TAFA1: variants seen among roughly 807,000 people sequenced by gnomAD.
TAFA1 encodes the protein TAFA chemokine like family member 1.
In TAFA1, 4 loss-of-function variants were observed where a neutral mutation model predicts 18.5. The observed-to-expected ratio is 0.22, with a 90% CI of 0.11 to 0.49. The LOEUF is 0.49. Among genes scored for constraint, TAFA1 ranks in the 20% least tolerant of loss-of-function variants. The pLI, the probability that TAFA1 is intolerant of heterozygous loss-of-function variation, is 0.98. For synonymous variants in TAFA1, 56 were observed against 55.2 expected (o/e 1.01, Z -0.06); for missense variants, 147 against 169.0 (o/e 0.87, Z 0.72).
chr3:68,461,552 G>A (rs922065703), intron 3 of TAFA1, among the ~76,000 whole-genome samples: 147 of 151,440 alleles, frequency 9.7e-4, no homozygotes, highest in African/African-American at 3.4e-3. Context: ...CTTTCAATTA[G>A]TATACCACCC....
At chr3:68,492,559 C>A (rs554379051) in intron 3 of TAFA1, among the ~76,000 whole-genome samples, 1 of 152,186 alleles carries the variant, frequency 6.6e-6, no homozygotes, top group South Asian at 2.1e-4. Context: ...TGCCCAACTT[C>A]TCTGTTGTTT....
chr3:68,359,611 G>A (rs1005128284), intron 2 of TAFA1, among the ~76,000 whole-genome samples: 5 of 151,894 alleles, frequency 3.3e-5, no homozygotes, highest in African/African-American at 4.8e-5. Context: ...TTCTCCACTA[G>A]AGCTTCCAGG....
chr3:68,111,596 G>T (rs12486933), intron 2 of TAFA1, among the ~76,000 whole-genome samples: 78,244 of 151,826 alleles, frequency 0.52, 20,540 homozygotes, highest in South Asian at 0.63. Flanking sequence ...GTGCAAAAGT[G>T]TTCTAAGTTT....
intron 2 of TAFA1, among the ~76,000 whole-genome samples, chr3:68,398,175 A>G (rs2070420561): frequency 1.3e-5 from 2 of 152,210 alleles, no homozygotes; most frequent in African/African-American, 4.8e-5. Context: ...AAACTATGCT[A>G]CAAGGCTAAA....
chr3:68,030,601 T>C (rs1249553691), intron 2 of TAFA1, among the ~76,000 whole-genome samples: 1 of 152,212 alleles, frequency 6.6e-6, no homozygotes, highest in Non-Finnish European at 1.5e-5. Context: ...AACTCATCTA[T>C]TTTTATGGCT....
At chr3:68,393,510 T>C (rs964822595) in intron 2 of TAFA1, among the ~76,000 whole-genome samples, 8 of 152,166 alleles carry the variant, frequency 5.3e-5, no homozygotes, top group Non-Finnish European at 8.8e-5. Context: ...TAAGTTATTT[T>C]ATGAGGCAAG....
intron 2 of TAFA1, among the ~76,000 whole-genome samples, chr3:68,334,526 A>C (rs2068937701): frequency 6.6e-6 from 1 of 152,176 alleles, no homozygotes; most frequent in Admixed American, 6.5e-5. Context: ...AGTGTGTCTC[A>C]ATCTTAATAC....
rs545996333 is a variant in TAFA1 at position 68,329,442 on chromosome 3, G to T, written c.119-87838G>T. 4.0e-4 allele frequency among the ~76,000 whole-genome samples: 61 copies of T among 151,998 alleles called. 2 individuals are homozygous for T. The South Asian group carries it at 0.012, about 31-fold the overall frequency. ...AAAGACTGCCCCTCAAGGATAATCT[G>T]TGCCAGCATATCTATTCAGTTCCAG... On this transcript the variant is annotated intron_variant, in intron 2 of 4. Coordinates refer to ENST00000478136, the MANE Select transcript of TAFA1 (RefSeq NM_213609.4).
intron 1 of TAFA1, among the ~76,000 whole-genome samples, chr3:68,005,450 CTAAAATCCACAAAT>C (rs1314368057): frequency 6.6e-6 from 1 of 152,200 alleles, no homozygotes; most frequent in Admixed American, 6.5e-5. Flanking sequence ...CATCTCTCTG[CTAAAATCCACAAAT>C]TAGCGTGCAT....
In TAFA1 at chr3:68,521,856, G is replaced by GTTTTTTTTTTT. The variant is rs57372768; in HGVS notation, c.260-16890_260-16880dup. The stretch of plus-strand genomic sequence containing the variant: ...TCTGGGTTTTTCTGTGTTTTTTTCT[G>GTTTTTTTTTTT]TTTTTTTTTTTTTTTTTTTTGGAGA... On this transcript the variant is annotated intron_variant, in intron 3 of 4. Coordinates refer to ENST00000478136, the MANE Select transcript of TAFA1 (RefSeq NM_213609.4). Among the ~76,000 whole-genome samples, 98 of 70,852 alleles carry GTTTTTTTTTTT rather than the reference G, an allele frequency of 1.4e-3. 13 individuals are homozygous for GTTTTTTTTTTT. The highest frequency in any genetic ancestry group is 3.0e-3 in the South Asian group (4 of 1,328). The allele number at this position is 70,852 out of a possible 152,430, so 46.5% of individuals were successfully genotyped here. A position where few individuals can be genotyped will look rare whatever the true frequency, so the allele number is the denominator to read the frequency against.
At chr3:68,156,402 T>C (rs1365335854) in intron 2 of TAFA1, among the ~76,000 whole-genome samples, 1 of 152,160 alleles carries the variant, frequency 6.6e-6, no homozygotes, top group East Asian at 1.9e-4. Context: ...TAGATGTTCT[T>C]GTTTGTCTGC....
chr3:68,260,106 C>T (rs1188431493), intron 2 of TAFA1, among the ~76,000 whole-genome samples: 2 of 152,144 alleles, frequency 1.3e-5, no homozygotes, highest in Non-Finnish European at 2.9e-5. Context: ...TTTTGAGATA[C>T]GTCCCATCAA....
upstream of TAFA1, among the ~76,000 whole-genome samples, chr3:68,000,536 G>A (rs1363824820): frequency 6.6e-6 from 1 of 152,158 alleles, no homozygotes; most frequent in Non-Finnish European, 1.5e-5. Flanking sequence ...AGAAGTAGGT[G>A]GGTCAGTTCA....
intron 2 of TAFA1, among the ~76,000 whole-genome samples, chr3:68,285,334 A>C: frequency 6.6e-6 from 1 of 152,180 alleles, no homozygotes; most frequent in East Asian, 1.9e-4. Context: ...AAGTGTTGTA[A>C]ATATTGATCT....
At chr3:68,361,577 T>C (rs1274217255) in intron 2 of TAFA1, among the ~76,000 whole-genome samples, 1 of 151,808 alleles carries the variant, frequency 6.6e-6, no homozygotes, top group Non-Finnish European at 1.5e-5. Context: ...CACATTATAG[T>C]CATGTAACAA....
At chr3:68,498,055 C>T (rs1285601087) in intron 3 of TAFA1, among the ~76,000 whole-genome samples, 2 of 152,142 alleles carry the variant, frequency 1.3e-5, no homozygotes, top group Non-Finnish European at 2.9e-5. Flanking sequence ...ACATTCTTTA[C>T]CAACGTAGCT....
chr3:67,998,696 G>T, the TAFA1 span, among the ~76,000 whole-genome samples: 1 of 152,200 alleles, frequency 6.6e-6, no homozygotes, highest in African/African-American at 2.4e-5. Flanking sequence ...CCATGTTTCA[G>T]CCGTGAGGAG....
chr3:68,227,548 A>T (rs80195726), intron 2 of TAFA1, among the ~76,000 whole-genome samples: 2 of 152,228 alleles, frequency 1.3e-5, no homozygotes, highest in Non-Finnish European at 2.9e-5. Flanking sequence ...GACACTTTCC[A>T]TGTAGCAAGT....
rs554579597 is a variant in TAFA1, at chr3:68,027,797, G to A, written c.118+21053G>A. On this transcript the variant is annotated intron_variant, in intron 2 of 4. Coordinates refer to ENST00000478136, the MANE Select transcript of TAFA1 (RefSeq NM_213609.4). ...TCTAATATATTAACTAGTGTTCTCA[G>A]CTTAATGTTTTTGAATGAATAAAGA... is the stretch of plus-strand genomic sequence containing the variant. Among the ~76,000 whole-genome samples, 17 of 152,180 alleles carry A rather than the reference G, an allele frequency of 1.1e-4. 2 individuals are homozygous for A. Among genetic ancestry groups the A allele is most frequent in the African/African-American group, 3.1e-4 (13 of 41,518 alleles).
Sources: allele counts gnomAD v4.1 joint callset (sites outside exome capture counted in the v4.1 genomes callset), GRCh38; gene constraint gnomAD v4.1.1; transcripts MANE v1.5; gene names NCBI Gene and HGNC (gene_info 2026-07-23, HGNC 2026-07-21).